Variants in SLC15A5 observed in about 807,000 individuals in gnomAD.
SLC15A5 encodes the protein solute carrier family 15 member 5.
In SLC15A5, 58 loss-of-function variants were observed where a neutral mutation model predicts 56.1. The ratio of observed to expected loss-of-function variants is 1.03; its 90% CI spans 0.84 to 1.29. The LOEUF is 1.29. Ranked by LOEUF, SLC15A5 falls within the 50% of genes most tolerant of loss-of-function variation. The pLI is 0.00. For missense variants in SLC15A5, 681 were observed against 672.1 expected (o/e 1.01, Z -0.15); for synonymous variants, 264 against 250.5 (o/e 1.05, Z -0.51).
chr12:16,225,796 AAAC>A (rs1316450115), intron 5 of SLC15A5, among the ~76,000 whole-genome samples: 1 of 152,198 alleles, frequency 6.6e-6, no homozygotes, highest in African/African-American at 2.4e-5. Flanking sequence ...AAAAGTCAGG[AAAC>A]AACAGGTGCT....
rs1180532650 is a variant in SLC15A5 at position 16,200,006 on chromosome 12, TA to T, written c.1484-5554del. Among the ~76,000 whole-genome samples, 4 of 152,034 alleles carry T rather than the reference TA, an allele frequency of 2.6e-5. No homozygotes were observed. The East Asian group carries it at 7.7e-4, about 29-fold the overall frequency. ...AATGGGTCACTTTAACTGTAGACTT[TA>T]GCAAAAATATCCACATACACTCTCA... is the stretch of plus-strand genomic sequence containing the variant. On this transcript the variant is annotated intron_variant, in intron 7 of 8. Coordinates refer to ENST00000344941, the MANE Select transcript of SLC15A5 (RefSeq NM_001170798.1).
At chr12:16,201,612 G>A (rs1301915836) in intron 7 of SLC15A5, among the ~76,000 whole-genome samples, 1 of 152,076 alleles carries the variant, frequency 6.6e-6, no homozygotes, top group East Asian at 1.9e-4. Flanking sequence ...TCTCATGATA[G>A]TGAGTGAGTT....
chr12:16,235,778 C>A lies in SLC15A5; in HGVS notation c.1162+3903G>T, dbSNP rs1013197250. ...AAGAATTTTCCCTGAGATAATTGTA[C>A]TTGCAATGAAAATAACTGGATCCTT... On this transcript the variant is annotated intron_variant, in intron 5 of 8. Transcript: ENST00000344941. This position sits in a 1 kb window ranked among gnomAD's most constrained non-coding sequence, Gnocchi z 4.1. Among the ~76,000 whole-genome samples, 2 of 152,076 alleles carry A rather than the reference C, an allele frequency of 1.3e-5. No individual in the cohort carries two copies. The highest frequency in any genetic ancestry group is 6.5e-5 in the Admixed American group (1 of 15,274).
chr12:16,260,216 A>C, intron 2 of SLC15A5, among the ~76,000 whole-genome samples: 1 of 152,128 alleles, frequency 6.6e-6, no homozygotes, highest in East Asian at 1.9e-4. Flanking sequence ...GGAGCTGCCC[A>C]TTACTTGCCA....
chr12:16,226,654 TAAAG>T (rs1403894128), intron 5 of SLC15A5, among the ~76,000 whole-genome samples: 3 of 152,214 alleles, frequency 2.0e-5, no homozygotes, highest in African/African-American at 4.8e-5. Context: ...AAAAATTTCT[TAAAG>T]AGATAAATTA....
intron 6 of SLC15A5, among the ~76,000 whole-genome samples, chr12:16,219,988 T>A (rs1864170167): frequency 6.6e-6 from 1 of 152,126 alleles, no homozygotes; most frequent in Non-Finnish European, 1.5e-5. Flanking sequence ...ATCTTCAAAA[T>A]ATAGGGCCAT....
chr12:16,256,913 AATAGATAGATAGATAGATAG>A (rs55965104), intron 3 of SLC15A5, among the ~76,000 whole-genome samples: 9 of 148,578 alleles, frequency 6.1e-5, no homozygotes, highest in Middle Eastern at 6.9e-3. Flanking sequence ...ATGCATGGGG[AATAGATAGATAGATAGATAG>A]ATAGATAGAT....
chr12:16,191,363 T>A (rs921640168), intron 8 of SLC15A5, among the ~76,000 whole-genome samples: 17 of 151,954 alleles, frequency 1.1e-4, no homozygotes, highest in African/African-American at 4.1e-4. Context: ...TACCTGTATT[T>A]TGGTGAGGAT....
chr12:16,248,069 G>A (rs1864480013), intron 3 of SLC15A5, among the ~76,000 whole-genome samples: 3 of 152,036 alleles, frequency 2.0e-5, no homozygotes, highest in Admixed American at 6.6e-5. Context: ...AAAATTTGAA[G>A]ATGTCTACTT....
rs1863820559 is a variant in SLC15A5 at position 16,189,585 on chromosome 12, T to TA, written c.*82dup. ...AATCACCTCTGTATATATTGGCTTT[T>TA]ACACTAAAACACATAAAATGCTCAA... On this transcript the variant is annotated 3_prime_UTR_variant, in exon 9 of 9. Transcript: ENST00000344941. 14 of 1,241,218 alleles carry TA rather than the reference T, an allele frequency of 1.1e-5. No individual in the cohort carries two copies. Among genetic ancestry groups the TA allele is most frequent in the Non-Finnish European group, 1.5e-5 (14 of 961,386 alleles). The allele number at this position is 1,241,218 out of a possible 1,614,324, so 76.9% of individuals were successfully genotyped here.
At chr12:16,244,500 G>T in intron 4 of SLC15A5, 80 bp downstream of exon 4, 1 of 1,296,634 alleles carries the variant, frequency 7.7e-7, no homozygotes, top group Non-Finnish European at 1.1e-6. Flanking sequence ...GCTCGTTGGG[G>T]AGAAAATTCA....
At chr12:16,260,188 G>A (rs1027868101) in intron 2 of SLC15A5, among the ~76,000 whole-genome samples, 2 of 152,090 alleles carry the variant, frequency 1.3e-5, no homozygotes, top group Non-Finnish European at 2.9e-5. Context: ...TTTGTGTAAG[G>A]GGAGCAGGAC....
chr12:16,231,530 G>T (rs1303636518), intron 5 of SLC15A5, among the ~76,000 whole-genome samples: 3 of 152,194 alleles, frequency 2.0e-5, no homozygotes, highest in African/African-American at 7.2e-5. Flanking sequence ...CTCATGACTT[G>T]AAGGCACCAG....
chr12:16,220,094 T>A (rs1407637834), intron 6 of SLC15A5, among the ~76,000 whole-genome samples: 1 of 152,206 alleles, frequency 6.6e-6, no homozygotes, highest in Admixed American at 6.5e-5. Flanking sequence ...TGTATTGTGT[T>A]TGGTGAAAAG....
chr12:16,241,998 C>T (rs1013597677), intron 4 of SLC15A5, among the ~76,000 whole-genome samples: 1 of 152,078 alleles, frequency 6.6e-6, no homozygotes, highest in African/African-American at 2.4e-5. Context: ...TTTATTTCAT[C>T]CAAGCCTTTG....
chr12:16,189,820 AAAAG>A lies in SLC15A5; in HGVS notation c.1593-9_1593-6del, dbSNP rs540311799. The A allele has an allele frequency of 1.2e-3, 1,735 of 1,474,242 alleles. 5 individuals are homozygous for A. The highest frequency in any genetic ancestry group is 2.8e-3 in the Middle Eastern group (16 of 5,688). 91.3% of individuals were successfully genotyped at this position (1,474,242 alleles called of 1,614,324 possible). ...AAATGATTTAGATTACAATATCTAA[AAAAG>A]AAAGAAAGAAAGCTTTTCTTAGGAC... On this transcript the variant is annotated splice_region_variant and splice_polypyrimidine_tract_variant and intron_variant, in intron 8 of 8. Transcript: ENST00000344941.
rs1863818328 is a variant in SLC15A5 at position 16,189,394 on chromosome 12, T to C, written c.*274A>G. 1 of 208,278 alleles carries C rather than the reference T, an allele frequency of 4.8e-6. No homozygotes were observed. The highest frequency in any genetic ancestry group is 1.9e-4 in the South Asian group (1 of 5,288). The allele number at this position is 208,278 out of a possible 1,614,324, so 12.9% of individuals were successfully genotyped here. A position where few individuals can be genotyped will look rare whatever the true frequency, so the allele number is the denominator to read the frequency against. ...CATTGTAGAAAGCTGTAAGGTATTA[T>C]TGGTGTATAGAAAACTGTCATTTTT... On this transcript the variant is annotated 3_prime_UTR_variant, in exon 9 of 9. Transcript: ENST00000344941.
intron 5 of SLC15A5, 56 bp from the exon 6 acceptor site, chr12:16,224,658 G>A (rs1284727766): frequency 1.4e-6 from 2 of 1,440,794 alleles, no homozygotes; most frequent in Non-Finnish European, 1.8e-6. Flanking sequence ...AGAGATTCAT[G>A]TAATAAGCCA....
chr12:16,266,317 T>C (rs564834989), intron 2 of SLC15A5, among the ~76,000 whole-genome samples: 1 of 152,310 alleles, frequency 6.6e-6, no homozygotes, highest in East Asian at 1.9e-4. Context: ...TAAGCATTGT[T>C]GAGAAAATCT....
Sources: allele counts gnomAD v4.1 joint callset (sites outside exome capture counted in the v4.1 genomes callset), GRCh38; gene constraint gnomAD v4.1.1; non-coding constraint Gnocchi (gnomAD v3.1); transcripts MANE v1.5; gene names NCBI Gene and HGNC (gene_info 2026-07-23, HGNC 2026-07-21).